CPM: variants seen among roughly 807,000 people sequenced by gnomAD.
The protein encoded by CPM is carboxypeptidase M, also known as renal carboxypeptidase.
In CPM, 35 loss-of-function variants were observed where a neutral mutation model predicts 46.4. That is an observed-to-expected ratio of 0.75 (90% confidence interval 0.58 to 1.00). CPM has a LOEUF of 1.00. Ranked by LOEUF, CPM falls within the 50% of genes least tolerant of loss-of-function variation. The pLI, the probability that CPM is intolerant of heterozygous loss-of-function variation, is 0.00. For missense variants in CPM, 422 were observed against 530.4 expected, an observed-to-expected ratio of 0.80 and a Z score of 2.01; for synonymous variants, 195 against 195.3, an observed-to-expected ratio of 1.00 and a Z score of 0.01.
rs563568387 is a variant in CPM, at chr12:68,858,728, T to C, written c.1089+195A>G. On this transcript the variant is annotated intron_variant, in intron 8 of 8. Coordinates refer to ENST00000551568, the MANE Select transcript of CPM (RefSeq NM_198320.5). ...GCCATCAGGGAAAAAATATGAATTTTTGTGGTTTTTTTTTTTTTCATATAA... is the reference window on the plus strand; with the variant it reads ...GCCATCAGGGAAAAAATATGAATTTCTGTGGTTTTTTTTTTTTTCATATAA... Among the ~76,000 whole-genome samples, 6 of 135,860 alleles carry C rather than the reference T, an allele frequency of 4.4e-5. No homozygotes were observed. In the South Asian group the frequency reaches 1.1e-3, roughly 24 times the overall value. 89.1% of individuals were successfully genotyped at this position (135,860 alleles called of 152,430 possible). A position where few individuals can be genotyped will look rare whatever the true frequency, so the allele number is the denominator to read the frequency against.
chr12:68,871,978 G>C (rs373165022), intron 3 of CPM, 22 bp from the exon 4 acceptor site: 1 of 1,613,638 alleles, frequency 6.2e-7, no homozygotes, highest in South Asian at 1.1e-5. Flanking sequence ...AAAGAGAAAA[G>C]AGGACATTAT....
At chr12:68,914,162 C>A in intron 2 of CPM, 1 of 443,878 alleles carries the variant, frequency 2.3e-6, no homozygotes, top group Non-Finnish European at 4.2e-6. Flanking sequence ...GTATGCATGA[C>A]TGCAACTGTG....
At chr12:68,918,479 A>T (rs1052773359) in intron 2 of CPM, among the ~76,000 whole-genome samples, 1 of 152,170 alleles carries the variant, frequency 6.6e-6, no homozygotes, top group Non-Finnish European at 1.5e-5. Flanking sequence ...ATTTCATCCC[A>T]AATCTGTCCT....
chr12:68,847,149 T>C (rs992399786), downstream of CPM: 6 of 112,410 alleles, frequency 5.3e-5, no homozygotes, highest in African/African-American at 3.0e-4. Context: ...ATATATTACA[T>C]ATATATATAT....
chr12:68,944,890 G>A (rs758387384), intron 1 of CPM, among the ~76,000 whole-genome samples: 2 of 151,700 alleles, frequency 1.3e-5, no homozygotes, highest in South Asian at 4.2e-4. Context: ...AAAATCATAG[G>A]GGTGTGGAAA....
chr12:68,866,590 TGCCTCG>T (rs1885458898), intron 7 of CPM, among the ~76,000 whole-genome samples: 1 of 152,206 alleles, frequency 6.6e-6, no homozygotes, highest in African/African-American at 2.4e-5. Flanking sequence ...GTGATACACC[TGCCTCG>T]GCCTCCCAAA....
exon 6 of CPM, chr12:68,842,325 C>T (rs967733380): frequency 6.3e-5 from 31 of 495,308 alleles, no homozygotes; most frequent in Non-Finnish European, 9.6e-5. Context: ...GGCAAAGGAA[C>T]GCAGCTGGAA....
chr12:68,872,356 G>C (rs927256887), intron 3 of CPM, among the ~76,000 whole-genome samples: 6 of 149,862 alleles, frequency 4.0e-5, no homozygotes, highest in Non-Finnish European at 8.9e-5. Context: ...GGGTTCAAGC[G>C]ATTCTCTTGC....
At chr12:68,894,279 T>C (rs1886776934) in intron 2 of CPM, among the ~76,000 whole-genome samples, 1 of 152,250 alleles carries the variant, frequency 6.6e-6, no homozygotes, top group Non-Finnish European at 1.5e-5. Flanking sequence ...TTGCTGGTTT[T>C]GTTCACTGCT....
intron 1 of CPM, among the ~76,000 whole-genome samples, chr12:68,961,635 C>T (rs1889113619): frequency 6.6e-6 from 1 of 152,018 alleles, no homozygotes; most frequent in African/African-American, 2.4e-5. Context: ...TTGAATGAGC[C>T]AGGCATGGTG....
At chr12:68,868,008 C>T (rs1340690354) in intron 6 of CPM, among the ~76,000 whole-genome samples, 1 of 152,166 alleles carries the variant, frequency 6.6e-6, no homozygotes, top group Non-Finnish European at 1.5e-5. Context: ...CAGCTGGCTT[C>T]ACCTGTTTTT....
intron 1 of CPM, among the ~76,000 whole-genome samples, chr12:68,944,857 G>A (rs1144964): frequency 6.6e-6 from 1 of 151,712 alleles, no homozygotes; most frequent in Admixed American, 6.6e-5. Flanking sequence ...CTAGGTAATG[G>A]GTACTGCTGA....
chr12:68,917,762 T>C (rs193177043), intron 2 of CPM, among the ~76,000 whole-genome samples: 2 of 152,326 alleles, frequency 1.3e-5, no homozygotes, highest in East Asian at 3.9e-4. Context: ...GTACCTAGTT[T>C]GGGGTCTGCA....
At position 68,866,463 on chromosome 12, in the gene CPM, C is replaced by A. The variant is rs1435081114; in HGVS notation, c.940+433G>T. Among the ~76,000 whole-genome samples, 3 of 152,178 alleles carry A rather than the reference C, an allele frequency of 2.0e-5. No individual in the cohort carries two copies. The South Asian group carries it at 6.2e-4, about 31-fold the overall frequency. On this transcript the variant is annotated intron_variant, in intron 7 of 8. Transcript: ENST00000551568. ...GGTTCAAGTGATTCTCCTGCCTCAG[C>A]CTCCCAAGTAACTGGGACTACAGGC... is the stretch of plus-strand genomic sequence containing the variant.
At chr12:68,895,189 G>C (rs543439745) in intron 2 of CPM, among the ~76,000 whole-genome samples, 1 of 152,156 alleles carries the variant, frequency 6.6e-6, no homozygotes, top group African/African-American at 2.4e-5. Context: ...GTGGTGGGTT[G>C]TATTATTGGT....
intron 3 of CPM, among the ~76,000 whole-genome samples, chr12:68,872,949 C>T (rs1428210320): frequency 1.3e-5 from 2 of 152,126 alleles, no homozygotes; most frequent in Non-Finnish European, 2.9e-5. Context: ...TGTGAGAGAA[C>T]TTGCTTTATA....
intron 2 of CPM, among the ~76,000 whole-genome samples, chr12:68,905,126 T>C (rs1464424007): frequency 6.6e-6 from 1 of 152,030 alleles, no homozygotes; most frequent in Admixed American, 6.6e-5. Flanking sequence ...GCCAGGCTGG[T>C]CTTGAACTCC....
chr12:68,860,172 T>C (rs185042229), intron 7 of CPM, among the ~76,000 whole-genome samples: 330 of 152,354 alleles, frequency 2.2e-3, no homozygotes, highest in Admixed American at 4.2e-3. Flanking sequence ...TATTATACTT[T>C]CTGTCCTATT....
chr12:68,940,197 C>T (rs559686520), intron 1 of CPM, among the ~76,000 whole-genome samples: 1 of 151,452 alleles, frequency 6.6e-6, no homozygotes, highest in Admixed American at 6.6e-5. Flanking sequence ...TATAGGGTTC[C>T]CATATACCCT....
Sources: allele counts gnomAD v4.1 joint callset (sites outside exome capture counted in the v4.1 genomes callset), GRCh38; gene constraint gnomAD v4.1.1; transcripts MANE v1.5; gene names NCBI Gene and HGNC (gene_info 2026-07-23, HGNC 2026-07-21).